BCAS3: variants seen among roughly 807,000 people sequenced by gnomAD.
BCAS3 encodes the protein BCAS4/BCAS3 fusion.
Under a neutral mutation model 116.1 loss-of-function variants are expected in BCAS3, and 53 were observed. The observed-to-expected ratio is 0.46, with a 90% CI of 0.37 to 0.57. The LOEUF is 0.57. Among genes scored for constraint, BCAS3 ranks in the 20% least tolerant of loss-of-function variants. The pLI is 0.00. For missense variants in BCAS3, 917 were observed against 1,165.4 expected, an observed-to-expected ratio of 0.79 and a Z score of 3.10; for synonymous variants, 391 against 408.2, an observed-to-expected ratio of 0.96 and a Z score of 0.51.
chr17:61,320,364 T>A (rs1188618306), intron 22 of BCAS3, among the ~76,000 whole-genome samples: 1 of 151,878 alleles, frequency 6.6e-6, no homozygotes, highest in Non-Finnish European at 1.5e-5. Context: ...GACTCTTAGC[T>A]AAGGAATATA....
intron 15 of BCAS3, among the ~76,000 whole-genome samples, chr17:60,991,563 G>A (rs1409788561): frequency 6.6e-6 from 1 of 152,156 alleles, no homozygotes; most frequent in African/African-American, 2.4e-5. Context: ...ACCATTTTAG[G>A]TTTTCAAGAT....
chr17:61,328,040 A>G (rs1012026429), intron 22 of BCAS3, among the ~76,000 whole-genome samples: 2 of 152,374 alleles, frequency 1.3e-5, no homozygotes, highest in Admixed American at 6.5e-5. Flanking sequence ...TTATTAAGGT[A>G]TAGACAAAAG....
rs1297041876 is a variant in BCAS3, at chr17:61,098,825, C to T, written c.2425+14261C>T. On this transcript the variant is annotated intron_variant, in intron 22 of 23. Transcript: ENST00000407086. This position sits in a 1 kb window ranked among gnomAD's most constrained non-coding sequence, Gnocchi z 4.2. The stretch of plus-strand genomic sequence containing the variant: ...TCCTGATTGTTCTGTTACTGCTTGG[C>T]TTAAGATACCCCTGGATGGGCTGGG... Among the ~76,000 whole-genome samples the T allele has an allele frequency of 2.6e-5, 4 of 151,680 alleles. No homozygotes were observed. Among genetic ancestry groups the T allele is most frequent in the Non-Finnish European group, 5.9e-5 (4 of 67,888 alleles).
rs530836921 is a variant in BCAS3, at chr17:61,146,325, C to T, written c.2425+61761C>T. Among the ~76,000 whole-genome samples the T allele has an allele frequency of 7.3e-5, 11 of 151,272 alleles. No individual in the cohort carries two copies. The South Asian group carries it at 2.3e-3, about 32-fold the overall frequency. ...TAGAGACAGGGTTTTGCCATGTTGC[C>T]CAGGCTGGTCTCGAACTCCTGGGTT... On this transcript the variant is annotated intron_variant, in intron 22 of 23. Transcript: ENST00000407086.
chr17:60,694,224 T>C lies in BCAS3; in HGVS notation c.214+4463T>C, dbSNP rs558950045. On this transcript the variant is annotated intron_variant, in intron 4 of 23. Coordinates refer to ENST00000407086, the MANE Select transcript of BCAS3 (RefSeq NM_017679.5). ...TTTAAAAAAATTATTGATTATTGGC[T>C]GGGCGTGGTGGCTCATGCTTGTAAT... Among the ~76,000 whole-genome samples the C allele has an allele frequency of 2.1e-4, 31 of 147,988 alleles. No individual in the cohort carries two copies. The South Asian group carries it at 3.6e-3, about 17-fold the overall frequency.
chr17:60,946,973 T>C (rs117073595), intron 13 of BCAS3, among the ~76,000 whole-genome samples: 4 of 152,328 alleles, frequency 2.6e-5, no homozygotes, highest in East Asian at 1.9e-4. Flanking sequence ...TTCTCTCTGC[T>C]AGTTTTACAG....
At chr17:60,818,689 A>G (rs944233168) in intron 7 of BCAS3, among the ~76,000 whole-genome samples, 1 of 152,146 alleles carries the variant, frequency 6.6e-6, no homozygotes, top group Non-Finnish European at 1.5e-5. Flanking sequence ...CCTTGGCACC[A>G]AATCCAGACA....
In BCAS3 at chr17:61,349,410, C is replaced by G. The variant is rs893814738; in HGVS notation, c.2426-18917C>G. Among the ~76,000 whole-genome samples, 2 of 152,166 alleles carry G rather than the reference C, an allele frequency of 1.3e-5. No homozygotes were observed. The highest frequency in any genetic ancestry group is 2.9e-5 in the Non-Finnish European group (2 of 68,034). ...AGATGTGTGGGATGGAAATGCTAAC[C>G]CACTGACCGAACAGAGTTTCTGAAC... On this transcript the variant is annotated intron_variant, in intron 22 of 23. Transcript: ENST00000407086. This position sits in a 1 kb window ranked among gnomAD's most constrained non-coding sequence, Gnocchi z 4.7.
At position 61,281,667 on chromosome 17, in the gene BCAS3, T is replaced by G. The variant is rs1188971423; in HGVS notation, c.2426-86660T>G. Among the ~76,000 whole-genome samples, 4 of 152,192 alleles carry G rather than the reference T, an allele frequency of 2.6e-5. No homozygotes were observed. The highest frequency in any genetic ancestry group is 2.6e-4 in the Admixed American group (4 of 15,282). The stretch of plus-strand genomic sequence containing the variant: ...TTACCCATCTTTATACTGGGTTTTT[T>G]ATCTTATTCATATTGATTTGGAGGA... On this transcript the variant is annotated intron_variant, in intron 22 of 23. Transcript: ENST00000407086. The surrounding 1 kb of genome is among the most constrained non-coding windows in gnomAD (Gnocchi z 4.2).
At chr17:61,340,473 G>A (rs2057063183) in intron 22 of BCAS3, among the ~76,000 whole-genome samples, 1 of 152,262 alleles carries the variant, frequency 6.6e-6, no homozygotes, top group South Asian at 2.1e-4. Context: ...GAGGAGAAAC[G>A]ATGAAGTAAT....
rs1186569394 is a variant in BCAS3, at chr17:61,144,665, T to G, written c.2425+60101T>G. On this transcript the variant is annotated intron_variant, in intron 22 of 23. Transcript: ENST00000407086. The surrounding 1 kb of genome is among the most constrained non-coding windows in gnomAD (Gnocchi z 5.0). The stretch of plus-strand genomic sequence containing the variant: ...TAGTCATTTAACAATACAATATTTC[T>G]CTCGTGTTCTTGAGCATGTATTTAA... 6.6e-6 allele frequency among the ~76,000 whole-genome samples: 1 copy of G among 152,220 alleles called. No individual in the cohort carries two copies. Among genetic ancestry groups the G allele is most frequent in the Non-Finnish European group, 1.5e-5 (1 of 68,046 alleles).
Position 61,381,437 on chromosome 17 carries a change from G to C in BCAS3, c.2594-10540G>C, listed in dbSNP as rs141020100. On this transcript the variant is annotated intron_variant, in intron 23 of 23. Transcript: ENST00000407086. This position sits in a 1 kb window ranked among gnomAD's most constrained non-coding sequence, Gnocchi z 6.0. ...GAGACTGTGATCCTTTCCCAGCCGC[G>C]GCGTGTGGGCTTGAGACACAGGCTG... is the stretch of plus-strand genomic sequence containing the variant. Among the ~76,000 whole-genome samples the C allele has an allele frequency of 2.3e-4, 35 of 152,146 alleles. No individual in the cohort carries two copies. Among genetic ancestry groups the C allele is most frequent in the Non-Finnish European group, 4.4e-4 (30 of 67,992 alleles).
Position 61,012,899 on chromosome 17 carries a change from G to A in BCAS3, c.1487-2852G>A, listed in dbSNP as rs965441850. Among the ~76,000 whole-genome samples, 1 of 151,820 alleles carries A rather than the reference G, an allele frequency of 6.6e-6. No homozygotes were observed. Among genetic ancestry groups the A allele is most frequent in the African/African-American group, 2.4e-5 (1 of 41,336 alleles). On this transcript the variant is annotated intron_variant, in intron 15 of 23. Transcript: ENST00000407086. This position sits in a 1 kb window ranked among gnomAD's most constrained non-coding sequence, Gnocchi z 4.5. Reference sequence around the variant, plus strand: ...ACTTCAACATCTATACTGTTCCCTCGCTGAAGAACTTAACCTAAGTTCCTA... The same window carrying A: ...ACTTCAACATCTATACTGTTCCCTCACTGAAGAACTTAACCTAAGTTCCTA...
chr17:61,265,143 A>G lies in BCAS3; in HGVS notation c.2426-103184A>G, dbSNP rs1286313331. Among the ~76,000 whole-genome samples the G allele has an allele frequency of 2.0e-5, 3 of 152,112 alleles. No individual in the cohort carries two copies. Among genetic ancestry groups the G allele is most frequent in the African/African-American group, 7.2e-5 (3 of 41,436 alleles). Reference sequence around the variant, plus strand: ...GAAAGCACAATACCAGCCAGGCGCAATGGCTCATGTCTGTAATCCCAGCAC... The same window carrying G: ...GAAAGCACAATACCAGCCAGGCGCAGTGGCTCATGTCTGTAATCCCAGCAC... On this transcript the variant is annotated intron_variant, in intron 22 of 23. Transcript: ENST00000407086. This position sits in a 1 kb window ranked among gnomAD's most constrained non-coding sequence, Gnocchi z 4.3.
At chr17:60,803,190 C>A (rs1043371271) in intron 6 of BCAS3, among the ~76,000 whole-genome samples, 2 of 152,196 alleles carry the variant, frequency 1.3e-5, no homozygotes, top group Non-Finnish European at 2.9e-5. Context: ...TTTGCATTCA[C>A]CTTTACCCAG....
intron 14 of BCAS3, among the ~76,000 whole-genome samples, chr17:60,963,333 G>A (rs899106716): frequency 5.3e-5 from 8 of 151,858 alleles, no homozygotes; most frequent in Middle Eastern, 3.4e-3. Flanking sequence ...TAGTATTGTC[G>A]TTTTAACAGT....
intron 6 of BCAS3, among the ~76,000 whole-genome samples, chr17:60,794,544 G>A (rs1422079917): frequency 1.3e-5 from 2 of 152,160 alleles, no homozygotes; most frequent in African/African-American, 2.4e-5. Context: ...CAGGTCTTAG[G>A]TTTAAGTCCT....
intron 7 of BCAS3, among the ~76,000 whole-genome samples, chr17:60,865,794 G>A (rs183730906): frequency 2.0e-5 from 3 of 152,276 alleles, no homozygotes; most frequent in Admixed American, 6.5e-5. Flanking sequence ...CTTATACAAT[G>A]TTGAGTAGAA....
intron 22 of BCAS3, among the ~76,000 whole-genome samples, chr17:61,269,462 G>T (rs960657353): frequency 6.6e-6 from 1 of 152,054 alleles, no homozygotes; most frequent in African/African-American, 2.4e-5. Context: ...TGGGATTGCT[G>T]GATTGTATAT....
Sources: allele counts gnomAD v4.1 joint callset (sites outside exome capture counted in the v4.1 genomes callset), GRCh38; gene constraint gnomAD v4.1.1; non-coding constraint Gnocchi (gnomAD v3.1); transcripts MANE v1.5; gene names NCBI Gene and HGNC (gene_info 2026-07-23, HGNC 2026-07-21).